Variants in DPP6 observed in about 807,000 individuals in gnomAD.
DPP6 encodes dipeptidyl peptidase like 6.
DPP6 carries 69 observed loss-of-function variants against 122.6 expected under a neutral mutation model. That is an observed-to-expected ratio of 0.56 (90% confidence interval 0.46 to 0.69). DPP6 has a LOEUF of 0.69. Ranked by LOEUF, DPP6 falls within the 30% of genes least tolerant of loss-of-function variation. The pLI is 0.00. For synonymous variants in DPP6, 418 were observed against 433.1 expected, an observed-to-expected ratio of 0.97 and a Z score of 0.43; for missense variants, 928 against 1,116.9, an observed-to-expected ratio of 0.83 and a Z score of 2.41.
chr7:154,743,180 T>G (rs550326213), intron 8 of DPP6, among the ~76,000 whole-genome samples: 118 of 152,370 alleles, frequency 7.7e-4, no homozygotes, highest in Admixed American at 1.6e-3. Context: ...CAGCGCATTT[T>G]GGATGTGGCT....
intron 7 of DPP6, among the ~76,000 whole-genome samples, chr7:154,680,571 G>T (rs1328607132): frequency 6.6e-6 from 1 of 152,094 alleles, no homozygotes; most frequent in African/African-American, 2.4e-5. Context: ...TGGTATGTTG[G>T]CATATGGAAA....
intron 1 of DPP6, among the ~76,000 whole-genome samples, chr7:153,990,694 C>A (rs376600948): frequency 1.4e-5 from 2 of 141,012 alleles, no homozygotes; most frequent in East Asian, 4.3e-4. Context: ...GCAGTGGGAC[C>A]CCTCCCTCCA....
chr7:154,298,512 A>C (rs1805692686), intron 1 of DPP6, among the ~76,000 whole-genome samples: 1 of 152,202 alleles, frequency 6.6e-6, no homozygotes. Context: ...CTAATAAAGA[A>C]TTTAAAATGA....
intron 1 of DPP6, among the ~76,000 whole-genome samples, chr7:153,899,334 GT>G (rs1799545746): frequency 2.6e-5 from 4 of 152,140 alleles, no homozygotes; most frequent in African/African-American, 9.7e-5. Context: ...TCCCAGGACA[GT>G]TTGGTCGCCT....
At chr7:154,574,496 T>G in intron 5 of DPP6, among the ~76,000 whole-genome samples, 1 of 138,000 alleles carries the variant, frequency 7.2e-6, no homozygotes, top group Non-Finnish European at 1.6e-5. Context: ...TATGTGTATG[T>G]GGTGTGTGTA....
chr7:154,599,789 C>G (rs1359172307), intron 5 of DPP6, among the ~76,000 whole-genome samples: 1 of 151,780 alleles, frequency 6.6e-6, no homozygotes, highest in African/African-American at 2.4e-5. Context: ...TCTGTTCTTG[C>G]GATAGTTTGC....
chr7:154,201,126 T>G (rs1799149985), intron 1 of DPP6, among the ~76,000 whole-genome samples: 1 of 152,104 alleles, frequency 6.6e-6, no homozygotes, highest in South Asian at 2.1e-4. Flanking sequence ...ATTGCCTTTT[T>G]TTGTTGTTGT....
the DPP6 span, among the ~76,000 whole-genome samples, chr7:153,752,163 A>T: frequency 1.4e-5 from 2 of 142,784 alleles, no homozygotes; most frequent in Non-Finnish European, 3.0e-5. Flanking sequence ...ACCTTTGAGC[A>T]CCCAAATCAG....
intron 1 of DPP6, chr7:154,059,411 A>G (rs1801345722): frequency 6.6e-6 from 1 of 151,750 alleles, no homozygotes; most frequent in African/African-American, 2.5e-5. Context: ...TAGAAAGATC[A>G]AATCTTCCGA....
intron 1 of DPP6, among the ~76,000 whole-genome samples, chr7:153,992,762 T>A (rs1269038168): frequency 2.2e-4 from 33 of 152,320 alleles, no homozygotes; most frequent in African/African-American, 7.7e-4. Flanking sequence ...TATGACTAAA[T>A]GGGGTACTTG....
intron 7 of DPP6, among the ~76,000 whole-genome samples, chr7:154,705,419 T>C (rs1289376204): frequency 6.6e-6 from 1 of 152,114 alleles, no homozygotes; most frequent in East Asian, 1.9e-4. Flanking sequence ...TTCATCTCGC[T>C]CTCTTCCAGT....
intron 1 of DPP6, among the ~76,000 whole-genome samples, chr7:154,301,786 C>CTT (rs869114137): frequency 2.8e-4 from 34 of 119,808 alleles, no homozygotes; most frequent in Non-Finnish European, 3.8e-4. Flanking sequence ...GATCTGCCCT[C>CTT]TTTTTTTTTT....
chr7:154,289,865 C>T (rs528385924), intron 1 of DPP6, among the ~76,000 whole-genome samples: 2 of 152,160 alleles, frequency 1.3e-5, no homozygotes, highest in Non-Finnish European at 2.9e-5. Context: ...TTCCCTGAAT[C>T]CTGACCGAGT....
rs369968396 is a variant in DPP6 at position 154,485,858 on chromosome 7, A to G, written c.457+10821A>G. Among the ~76,000 whole-genome samples, 12 of 152,064 alleles carry G rather than the reference A, an allele frequency of 7.9e-5. No individual in the cohort carries two copies. The East Asian group carries it at 1.5e-3, about 20-fold the overall frequency. On this transcript the variant is annotated intron_variant, in intron 3 of 25. Coordinates refer to ENST00000377770, the MANE Select transcript of DPP6 (RefSeq NM_130797.4). ...TGCACAACGTGCAGGTTTGTTACAT[A>G]TGTATACATGTGCCATGTTGGTGTG... is the stretch of plus-strand genomic sequence containing the variant.
intron 1 of DPP6, among the ~76,000 whole-genome samples, chr7:154,370,021 C>T (rs184627841): frequency 2.4e-4 from 36 of 151,348 alleles, no homozygotes; most frequent in African/African-American, 8.5e-4. Flanking sequence ...CTCACTCTGT[C>T]ACCCAGGCTG....
intron 16 of DPP6, among the ~76,000 whole-genome samples, chr7:154,832,570 G>C (rs1800714830): frequency 6.6e-6 from 1 of 152,180 alleles, no homozygotes; most frequent in African/African-American, 2.4e-5. Flanking sequence ...TCTCACGCGA[G>C]GGCACACAGC....
intron 6 of DPP6, among the ~76,000 whole-genome samples, chr7:154,643,115 T>TGAA (rs1178211950): frequency 6.6e-6 from 1 of 152,222 alleles, no homozygotes; most frequent in African/African-American, 2.4e-5. Flanking sequence ...TTCTCTTTAA[T>TGAA]AATTTTTCTA....
At chr7:154,115,064 T>C (rs1806882483) in intron 1 of DPP6, among the ~76,000 whole-genome samples, 1 of 152,128 alleles carries the variant, frequency 6.6e-6, no homozygotes, top group African/African-American at 2.4e-5. Context: ...TTCATAGAGC[T>C]CAGAAGAAAC....
At chr7:154,640,481 C>T (rs745655206) in intron 6 of DPP6, among the ~76,000 whole-genome samples, 15 of 152,200 alleles carry the variant, frequency 9.9e-5, no homozygotes, top group East Asian at 1.9e-4. Flanking sequence ...CCTGAAGCGG[C>T]GTTGCTCAAC....
Sources: allele counts gnomAD v4.1 joint callset (sites outside exome capture counted in the v4.1 genomes callset), GRCh38; gene constraint gnomAD v4.1.1; transcripts MANE v1.5; gene names NCBI Gene and HGNC (gene_info 2026-07-23, HGNC 2026-07-21).